The following CCDC122 variants were observed in gnomAD, a reference collection of about 807,000 sequenced individuals.
CCDC122 encodes the protein coiled-coil domain containing 122, also known as coiled-coil domain-containing protein 122.
In CCDC122, 38 loss-of-function variants were observed where a neutral mutation model predicts 37.0. That is an observed-to-expected ratio of 1.03 (90% CI 0.79 to 1.35). The LOEUF (loss-of-function observed/expected upper bound fraction) is 1.35, where lower values mean the gene tolerates loss of function less well. CCDC122 is among the 40% of genes most tolerant of loss of function. CCDC122 has a pLI of 0.00. For synonymous variants in CCDC122, 83 were observed against 95.6 expected (o/e 0.87, Z 0.77); for missense variants, 305 against 310.0 (o/e 0.98, Z 0.12).
intron 6 of CCDC122, among the ~76,000 whole-genome samples, chr13:43,842,669 T>C (rs4941473): frequency 6.6e-6 from 1 of 151,924 alleles, no homozygotes; most frequent in African/African-American, 2.4e-5. Flanking sequence ...ACATAGGATA[T>C]CATTCCATTT....
intron 6 of CCDC122, among the ~76,000 whole-genome samples, chr13:43,849,402 T>C (rs890583086): frequency 3.3e-5 from 5 of 152,200 alleles, no homozygotes; most frequent in Admixed American, 2.6e-4. Flanking sequence ...CTATTCTTCC[T>C]GATAAGTAGA....
intron 6 of CCDC122, among the ~76,000 whole-genome samples, chr13:43,842,681 TTTAG>T (rs1443314701): frequency 1.3e-5 from 2 of 152,052 alleles, no homozygotes; most frequent in Admixed American, 6.6e-5. Context: ...ATTCCATTTA[TTTAG>T]TATCTTTAAT....
intron 5 of CCDC122, 123 bp from the exon 6 acceptor site, chr13:43,859,020 C>G (rs1954020938): frequency 6.8e-6 from 5 of 740,288 alleles, no homozygotes; most frequent in Non-Finnish European, 7.9e-6. Flanking sequence ...TGATAAATAG[C>G]ATTAGAATAT....
intron 6 of CCDC122, chr13:43,848,893 A>G: frequency 1.0e-6 from 1 of 981,108 alleles, no homozygotes; most frequent in Non-Finnish European, 1.2e-6. Context: ...GAGATAGAAA[A>G]AAGACTCCAA....
intron 4 of CCDC122, among the ~76,000 whole-genome samples, chr13:43,861,771 T>C (rs1954111754): frequency 1.3e-5 from 2 of 152,208 alleles, no homozygotes; most frequent in Admixed American, 1.3e-4. Context: ...TATGTATGTT[T>C]ACCAGACATC....
intron 3 of CCDC122, among the ~76,000 whole-genome samples, chr13:43,826,764 C>T (rs1319159737): frequency 6.6e-6 from 1 of 152,094 alleles, no homozygotes; most frequent in East Asian, 1.9e-4. Context: ...ACACAGAAAG[C>T]TGGTTTTCTG....
At position 43,836,812 on chromosome 13, in the gene CCDC122, T is replaced by TGCAGTCC. The variant is rs1316942017; in HGVS notation, c.*461_*467dup. On this transcript the variant is annotated 3_prime_UTR_variant, in exon 7 of 7. Coordinates refer to ENST00000444614, the MANE Select transcript of CCDC122 (RefSeq NM_144974.5). ...TTGCAGTGAGCCGAGACTGCGCCAC[T>TGCAGTCC]GCAGTCCGCAGTCCGGCCTGGGCGA... is the stretch of plus-strand genomic sequence containing the variant. 1 of 132,884 alleles carries TGCAGTCC rather than the reference T, an allele frequency of 7.5e-6. No homozygotes were observed. The highest frequency in any genetic ancestry group is 1.5e-5 in the Non-Finnish European group (1 of 65,350). 8.2% of individuals were successfully genotyped at this position (132,884 alleles called of 1,614,324 possible). A position where few individuals can be genotyped will look rare whatever the true frequency, so the allele number is the denominator to read the frequency against.
intron 6 of CCDC122, among the ~76,000 whole-genome samples, chr13:43,846,091 T>TC (rs1953520803): frequency 1.3e-5 from 2 of 152,100 alleles, no homozygotes; most frequent in African/African-American, 4.8e-5. Flanking sequence ...CTTTTTTTTT[T>TC]GAGACGGAGT....
chr13:43,835,789 C>T (rs1953147516), downstream of CCDC122, among the ~76,000 whole-genome samples: 1 of 152,186 alleles, frequency 6.6e-6, no homozygotes, highest in Non-Finnish European at 1.5e-5. Context: ...ATGCAAGTTA[C>T]ATTAAAATAT....
chr13:43,847,349 A>T (rs1953577790), intron 6 of CCDC122, among the ~76,000 whole-genome samples: 1 of 152,192 alleles, frequency 6.6e-6, no homozygotes, highest in Non-Finnish European at 1.5e-5. Context: ...AGAGAACAAC[A>T]TGTTAGAAGG....
intron 6 of CCDC122, among the ~76,000 whole-genome samples, chr13:43,844,944 T>G (rs562788502): frequency 6.6e-6 from 1 of 152,212 alleles, no homozygotes; most frequent in Non-Finnish European, 1.5e-5. Context: ...TTAATTGGAA[T>G]GCTTAGCTCA....
At chr13:43,845,196 C>T (rs1953478830) in intron 6 of CCDC122, among the ~76,000 whole-genome samples, 1 of 152,124 alleles carries the variant, frequency 6.6e-6, no homozygotes, top group Admixed American at 6.5e-5. Context: ...CACAATCTGT[C>T]TTCAATTAAC....
downstream of CCDC122, among the ~76,000 whole-genome samples, chr13:43,820,320 C>T (rs559898273): frequency 6.6e-6 from 1 of 152,110 alleles, no homozygotes; most frequent in South Asian, 2.1e-4. Context: ...ATACTATTTC[C>T]TAATTTAAAA....
chr13:43,827,325 A>C (rs1953049330), intron 3 of CCDC122, among the ~76,000 whole-genome samples: 1 of 152,196 alleles, frequency 6.6e-6, no homozygotes, highest in Admixed American at 6.5e-5. Context: ...GGAAAAACTA[A>C]TTTTCATGTT....
downstream of CCDC122, among the ~76,000 whole-genome samples, chr13:43,834,388 C>T (rs1953120144): frequency 6.6e-6 from 1 of 152,170 alleles, no homozygotes. Context: ...CCATTCAGGA[C>T]ATAGGCATGG....
intron 4 of CCDC122, among the ~76,000 whole-genome samples, chr13:43,863,384 T>G (rs1302293503): frequency 6.6e-6 from 1 of 152,228 alleles, no homozygotes; most frequent in Non-Finnish European, 1.5e-5. Flanking sequence ...AGTATTCCGT[T>G]GTATGGATAT....
chr13:43,878,238 G>A (rs1464097310), intron 1 of CCDC122: 2 of 151,914 alleles, frequency 1.3e-5, no homozygotes, highest in Admixed American at 6.6e-5. Context: ...AAAAGTAATT[G>A]TGGTCTTTGT....
chr13:43,840,868 G>A (rs2153870087), intron 6 of CCDC122, among the ~76,000 whole-genome samples: 1 of 152,230 alleles, frequency 6.6e-6, no homozygotes, highest in African/African-American at 2.4e-5. Context: ...CTTTATAGCA[G>A]CATGTTTTAT....
intron 6 of CCDC122, among the ~76,000 whole-genome samples, chr13:43,841,574 T>C (rs1473441488): frequency 1.3e-5 from 2 of 152,214 alleles, no homozygotes; most frequent in African/African-American, 4.8e-5. Context: ...CTTTAGCCCA[T>C]TTTTAAAAAA....
Sources: allele counts gnomAD v4.1 joint callset (sites outside exome capture counted in the v4.1 genomes callset), GRCh38; gene constraint gnomAD v4.1.1; transcripts MANE v1.5; gene names NCBI Gene and HGNC (gene_info 2026-07-23, HGNC 2026-07-21).